Variants in CUL2 observed in about 807,000 individuals in gnomAD.
The protein encoded by CUL2 is cullin 2.
A neutral mutation model predicts 110.2 loss-of-function variants in CUL2; 22 were observed. The observed-to-expected ratio is 0.20, with a 90% CI of 0.14 to 0.28. The LOEUF is 0.28. Among genes scored for constraint, CUL2 ranks in the 10% least tolerant of loss-of-function variants. The pLI is 1.00. For missense variants in CUL2, 631 were observed against 905.5 expected, an observed-to-expected ratio of 0.70 and a Z score of 3.89; for synonymous variants, 279 against 293.2, an observed-to-expected ratio of 0.95 and a Z score of 0.49.
upstream of CUL2, among the ~76,000 whole-genome samples, chr10:35,095,079 G>C (rs2087275391): frequency 6.6e-6 from 1 of 152,072 alleles, no homozygotes; most frequent in African/African-American, 2.4e-5. Flanking sequence ...ACTTTGGGAG[G>C]CTGAGGCTGG....
chr10:35,065,293 C>T (rs1191490914), intron 2 of CUL2, among the ~76,000 whole-genome samples: 5 of 152,138 alleles, frequency 3.3e-5, no homozygotes, highest in African/African-American at 1.2e-4. Flanking sequence ...GTAATCCCAG[C>T]ACTTTGGGAA....
intron 1 of CUL2, chr10:35,120,408 T>C (rs924370607): frequency 5.9e-5 from 9 of 152,020 alleles, no homozygotes; most frequent in African/African-American, 2.2e-4. Flanking sequence ...TAAATTGTCA[T>C]ACCTGGGTGT....
At chr10:35,086,367 A>G (rs997953595) in intron 1 of CUL2, among the ~76,000 whole-genome samples, 1 of 152,006 alleles carries the variant, frequency 6.6e-6, no homozygotes, top group Non-Finnish European at 1.5e-5. Flanking sequence ...GGCTCACTGC[A>G]GCCTCCACCT....
At chr10:35,101,576 G>T (rs1367768059) in intron 1 of CUL2, among the ~76,000 whole-genome samples, 1 of 152,164 alleles carries the variant, frequency 6.6e-6, no homozygotes, top group African/African-American at 2.4e-5. Flanking sequence ...GAACCCCTGA[G>T]ACCAAGATTA....
chr10:35,054,368 G>C (rs1322473516), intron 5 of CUL2, 66 bp downstream of exon 5: 4 of 828,582 alleles, frequency 4.8e-6, no homozygotes, highest in Non-Finnish European at 5.8e-6. Context: ...AAAATGATGT[G>C]CAATCAAATT....
chr10:35,010,264 A>C lies in CUL2; in HGVS notation c.*47T>G. 3.9e-6 allele frequency: 6 copies of C among 1,528,996 alleles called. No individual in the cohort carries two copies. The highest frequency in any genetic ancestry group is 3.5e-6 in the Non-Finnish European group (4 of 1,133,998). 94.7% of individuals were successfully genotyped at this position (1,528,996 alleles called of 1,614,324 possible). Reference sequence around the variant, plus strand: ...GCTTTTTCCCACAGGAACACACCAAATGGTGATGGCAATGATCTTCTCACA... The same window carrying C: ...GCTTTTTCCCACAGGAACACACCAACTGGTGATGGCAATGATCTTCTCACA... On this transcript the variant is annotated 3_prime_UTR_variant, in exon 21 of 21. Coordinates refer to ENST00000374749, the MANE Select transcript of CUL2 (RefSeq NM_003591.4).
chr10:35,102,100 C>T (rs970118377), intron 1 of CUL2, among the ~76,000 whole-genome samples: 22 of 152,058 alleles, frequency 1.4e-4, no homozygotes, highest in African/African-American at 3.4e-4. Flanking sequence ...ATTAGCCAAG[C>T]GTGGTGGCAC....
chr10:35,021,206 C>A (rs2085172072), intron 17 of CUL2, among the ~76,000 whole-genome samples: 1 of 151,876 alleles, frequency 6.6e-6, no homozygotes, highest in African/African-American at 2.4e-5. Flanking sequence ...ATTCTAACTG[C>A]AGATTAAATT....
intron 17 of CUL2, among the ~76,000 whole-genome samples, chr10:35,018,966 G>A (rs1376187036): frequency 6.6e-6 from 1 of 151,752 alleles, no homozygotes; most frequent in Non-Finnish European, 1.5e-5. Flanking sequence ...CACAAAAGGA[G>A]GTTTAATATA....
rs1412808568 is a variant in CUL2, at chr10:35,028,958, A to C, written c.1540-71T>G. On this transcript the variant is annotated intron_variant, in intron 15 of 20. Coordinates refer to ENST00000374749, the MANE Select transcript of CUL2 (RefSeq NM_003591.4). ...CTAAATTCAAAGTAAATATTTATTAAATAATCTAAGCATCTAAAACATTTT... is the reference window on the plus strand; with the variant it reads ...CTAAATTCAAAGTAAATATTTATTACATAATCTAAGCATCTAAAACATTTT... 13 of 944,582 alleles carry C rather than the reference A, an allele frequency of 1.4e-5. No homozygotes were observed. In the East Asian group the frequency reaches 3.5e-4, roughly 25 times the overall value. The allele number at this position is 944,582 out of a possible 1,614,324, so 58.5% of individuals were successfully genotyped here.
At chr10:35,106,951 GT>G (rs111245197) in intron 1 of CUL2, among the ~76,000 whole-genome samples, 2 of 150,472 alleles carry the variant, frequency 1.3e-5, no homozygotes, top group East Asian at 2.0e-4. Flanking sequence ...CCCTTAACCT[GT>G]TTTTTTTTGT....
At chr10:35,013,340 G>A (rs1466984271) in intron 19 of CUL2, among the ~76,000 whole-genome samples, 6 of 127,410 alleles carry the variant, frequency 4.7e-5, no homozygotes, top group Non-Finnish European at 8.4e-5. Flanking sequence ...GCAAGACTCC[G>A]TCTCAAAAAA....
chr10:35,075,633 A>G (rs1005994203), intron 1 of CUL2, among the ~76,000 whole-genome samples: 12 of 102,360 alleles, frequency 1.2e-4, no homozygotes, highest in African/African-American at 4.6e-4. Flanking sequence ...TATGGGCCCT[A>G]AAACACACAC....
intron 1 of CUL2, among the ~76,000 whole-genome samples, chr10:35,106,320 GTTTT>G (rs1161389212): frequency 1.3e-5 from 2 of 149,778 alleles, no homozygotes; most frequent in African/African-American, 4.9e-5. Context: ...TTTTTTGTGG[GTTTT>G]TTTTTGTTTG....
chr10:35,114,890 C>A (rs182786281), intron 1 of CUL2, among the ~76,000 whole-genome samples: 1 of 152,102 alleles, frequency 6.6e-6, no homozygotes, highest in African/African-American at 2.4e-5. Context: ...ATGAATTTGA[C>A]GACACCAATA....
intron 2 of CUL2, among the ~76,000 whole-genome samples, chr10:35,100,380 A>G (rs1343766512): frequency 6.6e-6 from 1 of 152,030 alleles, no homozygotes; most frequent in Non-Finnish European, 1.5e-5. Flanking sequence ...TCCTCATCAC[A>G]TTTCTCTTAT....
chr10:35,116,974 T>C (rs943517364), intron 1 of CUL2, among the ~76,000 whole-genome samples: 1 of 151,408 alleles, frequency 6.6e-6, no homozygotes, highest in African/African-American at 2.4e-5. Flanking sequence ...AAAAAAAAGT[T>C]AGCCAGGGCT....
chr10:35,124,702 G>A (rs1162366099), intron 1 of CUL2, among the ~76,000 whole-genome samples: 1 of 152,202 alleles, frequency 6.6e-6, no homozygotes, highest in South Asian at 2.1e-4. Context: ...TGTAGGGAAA[G>A]GAGCCAAGAG....
intron 8 of CUL2, among the ~76,000 whole-genome samples, chr10:35,041,529 AT>A (rs1205065193): frequency 2.8e-5 from 4 of 142,720 alleles, no homozygotes; most frequent in African/African-American, 9.8e-5. Context: ...ATTTCCTGAA[AT>A]GAGCTTTTCT....
Sources: gnomAD v4.1 joint callset for allele counts (sites outside exome capture counted in the v4.1 genomes callset) on GRCh38, gnomAD v4.1.1 for gene constraint, MANE v1.5 for transcripts, NCBI Gene and HGNC (gene_info 2026-07-23, HGNC 2026-07-21) for gene names.